Variants in SLC24A2 observed in about 807,000 individuals in gnomAD.
SLC24A2 encodes sodium/potassium/calcium exchanger 2.
A neutral mutation model predicts 62.0 loss-of-function variants in SLC24A2; 36 were observed. The observed-to-expected ratio is 0.58, with a 90% confidence interval of 0.44 to 0.77. The LOEUF (loss-of-function observed/expected upper bound fraction) is 0.77, where lower values mean the gene tolerates loss of function less well. Ranked by LOEUF, SLC24A2 falls within the 30% of genes least tolerant of loss-of-function variation. The pLI is 0.00. For missense variants in SLC24A2, 846 were observed against 817.9 expected (o/e 1.03, Z -0.42); for synonymous variants, 358 against 294.0 (o/e 1.22, Z -2.23).
At chr9:20,286,059 G>C in the SLC24A2 span, among the ~76,000 whole-genome samples, 1 of 152,218 alleles carries the variant, frequency 6.6e-6, no homozygotes, top group African/African-American at 2.4e-5. Flanking sequence ...CAGGAAGGAA[G>C]AGAAAACAGC....
At chr9:20,167,019 T>A in the SLC24A2 span, among the ~76,000 whole-genome samples, 1 of 151,942 alleles carries the variant, frequency 6.6e-6, no homozygotes, top group East Asian at 1.9e-4. Flanking sequence ...TTTTTATTTT[T>A]GTAGAGGCTG....
the SLC24A2 span, among the ~76,000 whole-genome samples, chr9:20,260,646 A>AT: frequency 6.6e-6 from 1 of 151,656 alleles, no homozygotes; most frequent in South Asian, 2.1e-4. Context: ...CATTGCTTTT[A>AT]TTTTTTTACT....
the SLC24A2 span, among the ~76,000 whole-genome samples, chr9:20,121,580 A>G: frequency 1.3e-5 from 2 of 152,186 alleles, no homozygotes; most frequent in Non-Finnish European, 2.9e-5. Flanking sequence ...TTGATCACAT[A>G]TAAATGCTCT....
At chr9:19,776,399 T>C (rs1483440245) in intron 2 of SLC24A2, among the ~76,000 whole-genome samples, 1 of 152,224 alleles carries the variant, frequency 6.6e-6, no homozygotes, top group Non-Finnish European at 1.5e-5. Context: ...ATAATATTTA[T>C]TTCAGAGTGT....
At chr9:20,006,994 A>T in the SLC24A2 span, among the ~76,000 whole-genome samples, 1 of 152,178 alleles carries the variant, frequency 6.6e-6, no homozygotes. Context: ...TATTTTTACT[A>T]CATCACTGTT....
the SLC24A2 span, chr9:19,895,921 C>G: frequency 6.2e-7 from 1 of 1,613,510 alleles, no homozygotes; most frequent in Non-Finnish European, 8.5e-7. Context: ...TAACATCCTC[C>G]TCATCAGGTC....
At chr9:19,887,543 A>C in the SLC24A2 span, among the ~76,000 whole-genome samples, 2 of 152,152 alleles carry the variant, frequency 1.3e-5, no homozygotes, top group Admixed American at 1.3e-4. Flanking sequence ...TAAAAAAATA[A>C]AAAAATAATA....
chr9:20,095,784 C>T, the SLC24A2 span, among the ~76,000 whole-genome samples: 12 of 151,914 alleles, frequency 7.9e-5, no homozygotes, highest in Non-Finnish European at 1.6e-4. Context: ...TTTTAATGGA[C>T]TCACATTTCC....
intron 5 of SLC24A2, among the ~76,000 whole-genome samples, chr9:19,590,451 G>A (rs1294918556): frequency 6.6e-6 from 1 of 152,080 alleles, no homozygotes; most frequent in Non-Finnish European, 1.5e-5. Flanking sequence ...GCAGCTGCCT[G>A]CTCCTCCAAA....
the SLC24A2 span, among the ~76,000 whole-genome samples, chr9:20,262,700 G>A: frequency 6.6e-6 from 1 of 152,224 alleles, no homozygotes; most frequent in Non-Finnish European, 1.5e-5. Flanking sequence ...ACCATCGGCT[G>A]AATTTGTTTA....
At chr9:19,736,139 G>C (rs1821503275) in intron 2 of SLC24A2, among the ~76,000 whole-genome samples, 1 of 152,148 alleles carries the variant, frequency 6.6e-6, no homozygotes, top group African/African-American at 2.4e-5. Flanking sequence ...TTGGGCTTTT[G>C]TAAGTTAAGC....
At chr9:20,232,802 T>C in the SLC24A2 span, among the ~76,000 whole-genome samples, 5 of 152,216 alleles carry the variant, frequency 3.3e-5, no homozygotes, top group African/African-American at 1.2e-4. Context: ...TTTCTCGTTC[T>C]TTTAAGTGTG....
chr9:20,271,027 G>C, the SLC24A2 span, among the ~76,000 whole-genome samples: 1 of 151,972 alleles, frequency 6.6e-6, no homozygotes, highest in African/African-American at 2.4e-5. Context: ...CCTGTCTCTT[G>C]CTTAATCCTC....
the SLC24A2 span, among the ~76,000 whole-genome samples, chr9:19,837,262 C>T: frequency 6.6e-6 from 1 of 150,920 alleles, no homozygotes; most frequent in African/African-American, 2.4e-5. Flanking sequence ...ACCATCCTGG[C>T]TAACAAGGTG....
At chr9:20,152,394 C>T in the SLC24A2 span, among the ~76,000 whole-genome samples, 2 of 151,804 alleles carry the variant, frequency 1.3e-5, no homozygotes, top group Non-Finnish European at 2.9e-5. Flanking sequence ...CCTGGAAAAT[C>T]CAAGTTCTTT....
chr9:19,950,934 G>T, the SLC24A2 span, among the ~76,000 whole-genome samples: 4 of 152,180 alleles, frequency 2.6e-5, no homozygotes, highest in African/African-American at 9.7e-5. Context: ...GAGAGACTTT[G>T]TGACCACAGG....
intron 2 of SLC24A2, among the ~76,000 whole-genome samples, chr9:19,760,087 T>G (rs1197599486): frequency 6.6e-6 from 1 of 152,112 alleles, no homozygotes; most frequent in African/African-American, 2.4e-5. Context: ...TGGAAATCTG[T>G]TGCCTCCTAT....
At chr9:19,610,450 A>G (rs1837122980) in intron 4 of SLC24A2, among the ~76,000 whole-genome samples, 1 of 152,210 alleles carries the variant, frequency 6.6e-6, no homozygotes, top group Non-Finnish European at 1.5e-5. Context: ...AATGTAATAA[A>G]GGAAAGAACA....
At chr9:19,731,987 G>C (rs1287656332) in intron 2 of SLC24A2, among the ~76,000 whole-genome samples, 3 of 152,298 alleles carry the variant, frequency 2.0e-5, no homozygotes, top group Admixed American at 2.0e-4. Context: ...GGGTTGTGAG[G>C]ATTTGAAAAC....
Sources: gnomAD v4.1 joint callset for allele counts (sites outside exome capture counted in the v4.1 genomes callset) on GRCh38, gnomAD v4.1.1 for gene constraint, MANE v1.5 for transcripts, NCBI Gene and HGNC (gene_info 2026-07-23, HGNC 2026-07-21) for gene names.